RBMS3: variants seen among roughly 807,000 people sequenced by gnomAD.
The protein encoded by RBMS3 is RNA binding motif single stranded interacting protein 3.
In RBMS3, 27 loss-of-function variants were observed where a neutral mutation model predicts 66.8. The observed-to-expected ratio is 0.40, with a 90% confidence interval of 0.30 to 0.56. The LOEUF (loss-of-function observed/expected upper bound fraction) is 0.56. RBMS3 is among the 20% of genes least tolerant of loss of function. RBMS3 has a pLI of 0.40. For missense variants in RBMS3, 513 were observed against 549.5 expected, an observed-to-expected ratio of 0.93 and a Z score of 0.66; for synonymous variants, 188 against 183.0, an observed-to-expected ratio of 1.03 and a Z score of -0.22.
At chr3:29,434,365 A>G (rs1028426494) in intron 1 of RBMS3, among the ~76,000 whole-genome samples, 2 of 152,192 alleles carry the variant, frequency 1.3e-5, no homozygotes, top group African/African-American at 4.8e-5. Context: ...ATGCTTGGGT[A>G]TTAAAGGTAA....
At chr3:29,370,132 T>G (rs7646908) in intron 1 of RBMS3, among the ~76,000 whole-genome samples, 15,113 of 152,236 alleles carry the variant, frequency 0.099, 2,527 homozygotes, top group African/African-American at 0.34. Context: ...TCTATAGATG[T>G]AAAGAATTTG....
rs117505588 is a variant in RBMS3, at chr3:29,368,978, G to A, written c.76-65765G>A. Among the ~76,000 whole-genome samples the A allele has an allele frequency of 2.9e-3, 443 of 152,188 alleles. No individual in the cohort carries two copies. The East Asian group carries it at 0.035, about 12-fold the overall frequency. On this transcript the variant is annotated intron_variant, in intron 1 of 14. Coordinates refer to ENST00000383767, the MANE Select transcript of RBMS3 (RefSeq NM_001003793.3). The stretch of plus-strand genomic sequence containing the variant: ...CATATACATCATGGAGTACTGTGCA[G>A]GCATAAAAAAAGAACAAGATCATGT...
intron 8 of RBMS3, among the ~76,000 whole-genome samples, chr3:29,894,405 T>TG (rs1348355044): frequency 6.6e-6 from 1 of 151,352 alleles, no homozygotes; most frequent in Non-Finnish European, 1.5e-5. Flanking sequence ...TTTGTAGAGA[T>TG]GGGGTCTCAC....
chr3:29,356,037 A>G (rs1032176405), intron 1 of RBMS3, among the ~76,000 whole-genome samples: 1 of 152,174 alleles, frequency 6.6e-6, no homozygotes, highest in East Asian at 1.9e-4. Context: ...TTACAAAACC[A>G]GAAGTTATTG....
At chr3:29,362,807 A>G (rs540671040) in intron 1 of RBMS3, among the ~76,000 whole-genome samples, 1 of 152,330 alleles carries the variant, frequency 6.6e-6, no homozygotes, top group East Asian at 1.9e-4. Context: ...TACTTGAGCT[A>G]ATTAACGCTG....
chr3:29,711,344 G>A (rs960707975), intron 4 of RBMS3, among the ~76,000 whole-genome samples: 1 of 152,120 alleles, frequency 6.6e-6, no homozygotes, highest in African/African-American at 2.4e-5. Flanking sequence ...TCCTTAGACT[G>A]TTCCTGGAAA....
At chr3:29,961,288 C>G (rs1008645326) in intron 12 of RBMS3, among the ~76,000 whole-genome samples, 1 of 152,188 alleles carries the variant, frequency 6.6e-6, no homozygotes, top group African/African-American at 2.4e-5. Flanking sequence ...GAGACCACCT[C>G]AGCCTGGACT....
intron 6 of RBMS3, among the ~76,000 whole-genome samples, chr3:29,785,339 C>A (rs2056782297): frequency 1.3e-5 from 2 of 151,984 alleles, no homozygotes; most frequent in Non-Finnish European, 2.9e-5. Context: ...GGTTTCATAC[C>A]AGGGATGTAA....
chr3:29,490,021 C>G (rs1418215505), intron 3 of RBMS3, among the ~76,000 whole-genome samples: 1 of 126,374 alleles, frequency 7.9e-6, no homozygotes, highest in African/African-American at 3.1e-5. Flanking sequence ...CCAGCCTGGG[C>G]TACAGGGCAA....
intron 4 of RBMS3, among the ~76,000 whole-genome samples, chr3:29,731,564 T>A (rs2149336744): frequency 6.6e-6 from 1 of 152,302 alleles, no homozygotes; most frequent in South Asian, 2.1e-4. Flanking sequence ...CCTTCTTTAC[T>A]CTTCCCTTTG....
chr3:29,844,955 G>A (rs2058743721), intron 6 of RBMS3, among the ~76,000 whole-genome samples: 1 of 152,180 alleles, frequency 6.6e-6, no homozygotes, highest in Non-Finnish European at 1.5e-5. Flanking sequence ...TCAGAATCTT[G>A]TGAAAAGGAG....
intron 1 of RBMS3, among the ~76,000 whole-genome samples, chr3:29,424,578 C>A (rs969173458): frequency 5.3e-5 from 8 of 152,122 alleles, no homozygotes; most frequent in African/African-American, 1.7e-4. Flanking sequence ...ATTGTATATG[C>A]TATTTGCACT....
chr3:29,613,934 T>G (rs2048573006), intron 4 of RBMS3, among the ~76,000 whole-genome samples: 1 of 152,058 alleles, frequency 6.6e-6, no homozygotes, highest in South Asian at 2.1e-4. Context: ...TTTGAAAAAT[T>G]AAAAATTGAA....
chr3:29,372,632 GT>G (rs1220575067), intron 1 of RBMS3, among the ~76,000 whole-genome samples: 4 of 151,944 alleles, frequency 2.6e-5, no homozygotes, highest in Non-Finnish European at 1.5e-5. Context: ...TTATGTATTG[GT>G]TTTTTTGTTC....
intron 6 of RBMS3, 123 bp downstream of exon 6, chr3:29,763,112 G>A (rs2055768655): frequency 1.6e-6 from 1 of 616,490 alleles, no homozygotes; most frequent in African/African-American, 1.9e-5. Flanking sequence ...TTCTTAATGT[G>A]TATTTTCAAA....
At chr3:29,735,432 C>A (rs2054335229) in intron 4 of RBMS3, among the ~76,000 whole-genome samples, 1 of 152,070 alleles carries the variant, frequency 6.6e-6, no homozygotes, top group African/African-American at 2.4e-5. Context: ...ACCAAGAAAT[C>A]CTTGTACAAA....
chr3:29,641,018 A>G (rs1192587150), intron 4 of RBMS3: 1 of 152,020 alleles, frequency 6.6e-6, no homozygotes, highest in Non-Finnish European at 1.5e-5. Flanking sequence ...TAAATTAGCT[A>G]TGAAATGTAT....
intron 4 of RBMS3, among the ~76,000 whole-genome samples, chr3:29,702,905 C>T (rs1341359639): frequency 6.6e-6 from 1 of 152,158 alleles, no homozygotes; most frequent in Non-Finnish European, 1.5e-5. Context: ...GTCAGTGAGA[C>T]CAAGAACCCA....
intron 14 of RBMS3, among the ~76,000 whole-genome samples, chr3:29,997,446 C>T (rs1189910314): frequency 8.0e-5 from 12 of 149,138 alleles, no homozygotes; most frequent in Non-Finnish European, 1.6e-4. Flanking sequence ...GATACCAAAG[C>T]CGGGCAGAGA....
Sources: allele counts gnomAD v4.1 joint callset (sites outside exome capture counted in the v4.1 genomes callset), GRCh38; gene constraint gnomAD v4.1.1; transcripts MANE v1.5; gene names NCBI Gene and HGNC (gene_info 2026-07-23, HGNC 2026-07-21).